CDK6: variants seen among roughly 807,000 people sequenced by gnomAD.
The protein encoded by CDK6 is cyclin dependent kinase 6, also known as cyclin-dependent kinase 6.
CDK6 carries 6 observed loss-of-function variants against 37.1 expected under a neutral mutation model. That is an observed-to-expected ratio of 0.16 (90% CI 0.09 to 0.32). CDK6 has a LOEUF of 0.32. CDK6 is among the 10% of genes least tolerant of loss of function. The pLI, the probability that CDK6 is intolerant of heterozygous loss-of-function variation, is 1.00. For synonymous variants in CDK6, 160 were observed against 161.3 expected (o/e 0.99, Z 0.06); for missense variants, 224 against 418.9 (o/e 0.53, Z 4.06).
At chr7:92,713,179 C>T (rs2116685270) in intron 4 of CDK6, among the ~76,000 whole-genome samples, 1 of 152,228 alleles carries the variant, frequency 6.6e-6, no homozygotes, top group Middle Eastern at 3.4e-3. Flanking sequence ...CTTTACAATT[C>T]ACAATGGGCT....
rs973450576 is a variant in CDK6 at position 92,610,491 on chromosome 7, A to C, written c.*4649T>G. On this transcript the variant is annotated 3_prime_UTR_variant, in exon 8 of 8. Coordinates refer to ENST00000424848, the MANE Select transcript of CDK6 (RefSeq NM_001145306.2). ...CTGTTTTTACATTTCTGTTGCTTAC[A>C]AAGGTCAGAAGATAGAGAGACCAAA... The C allele has an allele frequency of 1.3e-5, 3 of 230,530 alleles. No individual in the cohort carries two copies. The highest frequency in any genetic ancestry group is 2.6e-5 in the Non-Finnish European group (3 of 116,468). The allele number at this position is 230,530 out of a possible 1,614,324, so 14.3% of individuals were successfully genotyped here. A position where few individuals can be genotyped will look rare whatever the true frequency, so the allele number is the denominator to read the frequency against.
At chr7:92,683,618 C>T (rs1423350876) in intron 4 of CDK6, among the ~76,000 whole-genome samples, 8 of 151,920 alleles carry the variant, frequency 5.3e-5, no homozygotes, top group African/African-American at 1.2e-4. Flanking sequence ...AATGGGTCAT[C>T]GAGATGCATG....
At chr7:92,765,675 G>A (rs1799562048) in intron 3 of CDK6, among the ~76,000 whole-genome samples, 1 of 152,146 alleles carries the variant, frequency 6.6e-6, no homozygotes, top group Non-Finnish European at 1.5e-5. Flanking sequence ...GATCCCCTAT[G>A]TTCCAGGCAG....
Position 92,666,129 on chromosome 7 carries a change from A to G in CDK6, c.647+5297T>C, listed in dbSNP as rs570004457. On this transcript the variant is annotated intron_variant, in intron 5 of 7. Coordinates refer to ENST00000424848, the MANE Select transcript of CDK6 (RefSeq NM_001145306.2). ...GCTGACACATAAATGACTATTCCTC[A>G]AAGATTTTAAATAAACAACTAGGAT... 9.2e-5 allele frequency among the ~76,000 whole-genome samples: 14 copies of G among 152,350 alleles called. No individual in the cohort carries two copies. In the South Asian group the frequency reaches 1.0e-3, roughly 11 times the overall value.
chr7:92,698,618 G>C (rs1288156958), intron 4 of CDK6, among the ~76,000 whole-genome samples: 1 of 152,172 alleles, frequency 6.6e-6, no homozygotes, highest in African/African-American at 2.4e-5. Context: ...ATAAAAACTT[G>C]ATTATGTATT....
intron 5 of CDK6, among the ~76,000 whole-genome samples, chr7:92,664,434 A>AACTT (rs1162319943): frequency 6.6e-6 from 1 of 152,230 alleles, no homozygotes; most frequent in Admixed American, 6.5e-5. Context: ...CCAACACAGT[A>AACTT]ACCAATGGGA....
Position 92,609,730 on chromosome 7 carries a change from C to G in CDK6, c.*5410G>C, listed in dbSNP as rs1404055044. On this transcript the variant is annotated 3_prime_UTR_variant, in exon 8 of 8. Coordinates refer to ENST00000424848, the MANE Select transcript of CDK6 (RefSeq NM_001145306.2). ...AGTTTTATACTTCTAACGAAACTAT[C>G]CTGTTCACAGATGAGGACTGCCTTT... 1 of 230,868 alleles carries G rather than the reference C, an allele frequency of 4.3e-6. No homozygotes were observed. Among genetic ancestry groups the G allele is most frequent in the Non-Finnish European group, 8.6e-6 (1 of 116,740 alleles). The allele number at this position is 230,868 out of a possible 1,614,324, so 14.3% of individuals were successfully genotyped here.
At position 92,611,804 on chromosome 7, in the gene CDK6, G is replaced by C. The variant is rs563109834; in HGVS notation, c.*3336C>G. The C allele has an allele frequency of 1.3e-4, 31 of 231,262 alleles. 1 individual carries two copies. In the South Asian group the frequency reaches 5.4e-3, roughly 41 times the overall value. 14.3% of individuals were successfully genotyped at this position (231,262 alleles called of 1,614,324 possible). ...CAATGCTGAGATTCTATTCTTAGGT[G>C]AATAATTTTCAACTATTTTTAGTAA... On this transcript the variant is annotated 3_prime_UTR_variant, in exon 8 of 8. Coordinates refer to ENST00000424848, the MANE Select transcript of CDK6 (RefSeq NM_001145306.2).
chr7:92,748,928 G>A (rs921178368), intron 3 of CDK6, among the ~76,000 whole-genome samples: 1 of 152,132 alleles, frequency 6.6e-6, no homozygotes, highest in Non-Finnish European at 1.5e-5. Context: ...ACGGCTGGGC[G>A]CGATGGCTCA....
At chr7:92,632,991 G>T (rs1172516579) in intron 5 of CDK6, among the ~76,000 whole-genome samples, 1 of 144,566 alleles carries the variant, frequency 6.9e-6, no homozygotes, top group Non-Finnish European at 1.5e-5. Flanking sequence ...TCCCAGGGCA[G>T]GATCTGAGTC....
At chr7:92,660,794 G>A (rs1381235962) in intron 5 of CDK6, among the ~76,000 whole-genome samples, 1 of 152,076 alleles carries the variant, frequency 6.6e-6, no homozygotes, top group East Asian at 1.9e-4. Context: ...GGGGGGCTGC[G>A]GGATGAGGGT....
chr7:92,637,690 C>A (rs1585356676), intron 5 of CDK6, among the ~76,000 whole-genome samples: 1 of 152,124 alleles, frequency 6.6e-6, no homozygotes, highest in Non-Finnish European at 1.5e-5. Context: ...AAGTAAATAT[C>A]ATTATCCTCA....
chr7:92,783,034 A>T (rs1401919793), intron 2 of CDK6, among the ~76,000 whole-genome samples: 1 of 152,162 alleles, frequency 6.6e-6, no homozygotes, highest in Non-Finnish European at 1.5e-5. Context: ...AGTAGCCGAC[A>T]GCAGAGAACC....
intron 3 of CDK6, among the ~76,000 whole-genome samples, chr7:92,738,318 A>G (rs548438954): frequency 4.6e-5 from 7 of 152,246 alleles, no homozygotes; most frequent in Admixed American, 4.6e-4. Flanking sequence ...TGACTCTTAC[A>G]AAGAAGAATT....
intron 7 of CDK6, among the ~76,000 whole-genome samples, chr7:92,615,767 C>G (rs922972560): frequency 6.6e-6 from 1 of 152,150 alleles, no homozygotes; most frequent in Non-Finnish European, 1.5e-5. Context: ...GCTGACAGCT[C>G]AAGTGTAGGG....
chr7:92,639,354 GA>G (rs1313742945), intron 5 of CDK6, among the ~76,000 whole-genome samples: 1 of 152,194 alleles, frequency 6.6e-6, no homozygotes, highest in East Asian at 1.9e-4. Context: ...GTAACTTGGT[GA>G]CCAGATCCTT....
intron 2 of CDK6, among the ~76,000 whole-genome samples, chr7:92,782,457 G>C (rs1406581276): frequency 6.6e-6 from 1 of 152,136 alleles, no homozygotes; most frequent in African/African-American, 2.4e-5. Flanking sequence ...GAACAACCCT[G>C]GATTGAGTGA....
intron 2 of CDK6, among the ~76,000 whole-genome samples, chr7:92,775,078 C>T (rs1159693598): frequency 1.3e-5 from 2 of 152,186 alleles, no homozygotes; most frequent in Non-Finnish European, 2.9e-5. Flanking sequence ...GAGAAAGCAA[C>T]GCGCTTGGAG....
At chr7:92,807,553 CAA>C (rs990454132) in intron 2 of CDK6, among the ~76,000 whole-genome samples, 1 of 151,456 alleles carries the variant, frequency 6.6e-6, no homozygotes, top group Non-Finnish European at 1.5e-5. Context: ...AGATATATAT[CAA>C]TATATATAAT....
Sources: allele counts gnomAD v4.1 joint callset (sites outside exome capture counted in the v4.1 genomes callset), GRCh38; gene constraint gnomAD v4.1.1; transcripts MANE v1.5; gene names NCBI Gene and HGNC (gene_info 2026-07-23, HGNC 2026-07-21).